PPARGC1A: variants seen among roughly 807,000 people sequenced by gnomAD.
The protein encoded by PPARGC1A is PPARG coactivator 1 alpha, also known as peroxisome proliferator-activated receptor gamma coactivator 1-alpha.
PPARGC1A carries 25 observed loss-of-function variants against 88.7 expected under a neutral mutation model. The ratio of observed to expected loss-of-function variants is 0.28; its 90% CI spans 0.21 to 0.39. The LOEUF is 0.39. Among genes scored for constraint, PPARGC1A ranks in the 10% least tolerant of loss-of-function variants. The probability of loss-of-function intolerance (pLI) is 1.00; values close to 1 mark genes in which losing one functional copy is unlikely to be tolerated. For missense variants in PPARGC1A, 880 were observed against 968.7 expected, an observed-to-expected ratio of 0.91 and a Z score of 1.22; for synonymous variants, 363 against 355.6, an observed-to-expected ratio of 1.02 and a Z score of -0.24.
chr4:23,828,343 T>C (rs1466854011), intron 5 of PPARGC1A, 57 bp downstream of exon 5: 33 of 1,521,026 alleles, frequency 2.2e-5, no homozygotes, highest in Non-Finnish European at 2.9e-5. Flanking sequence ...AGACTTTGCA[T>C]GTGCTTTCTT....
At chr4:24,363,302 A>T in the PPARGC1A span, among the ~76,000 whole-genome samples, 1 of 152,186 alleles carries the variant, frequency 6.6e-6, no homozygotes, top group Non-Finnish European at 1.5e-5. Context: ...TCTAACACTC[A>T]TGTTGGCTCA....
the PPARGC1A span, among the ~76,000 whole-genome samples, chr4:24,126,805 T>C: frequency 0.66 from 100,898 of 152,122 alleles, 33,792 homozygotes; most frequent in Non-Finnish European, 0.71. Context: ...GCTCTCTCTG[T>C]TCCAGTGAAT....
the PPARGC1A span, among the ~76,000 whole-genome samples, chr4:24,392,348 C>T: frequency 3.3e-5 from 5 of 152,302 alleles, no homozygotes; most frequent in Non-Finnish European, 7.4e-5. Flanking sequence ...ATGTTGATTG[C>T]ACCTCAGTGC....
At chr4:24,410,993 T>C in the PPARGC1A span, among the ~76,000 whole-genome samples, 1 of 152,214 alleles carries the variant, frequency 6.6e-6, no homozygotes, top group Non-Finnish European at 1.5e-5. Context: ...TTCTCCTTAA[T>C]AAACTCCCTC....
the PPARGC1A span, among the ~76,000 whole-genome samples, chr4:24,233,120 C>A: frequency 2.1e-5 from 1 of 48,220 alleles, no homozygotes; most frequent in East Asian, 0.019. Flanking sequence ...AAATGTGTCT[C>A]CAAAGTGTTT....
chr4:24,159,159 A>G, the PPARGC1A span, among the ~76,000 whole-genome samples: 2 of 151,332 alleles, frequency 1.3e-5, no homozygotes, highest in African/African-American at 4.9e-5. Context: ...GATAAATAAT[A>G]TCAGACCTAT....
the PPARGC1A span, among the ~76,000 whole-genome samples, chr4:24,067,527 A>G: frequency 6.6e-6 from 1 of 152,218 alleles, no homozygotes; most frequent in Admixed American, 6.5e-5. Flanking sequence ...GCTCAGAAAC[A>G]GAGCACAGAA....
At chr4:23,830,162 C>A (rs940123779) in intron 3 of PPARGC1A, among the ~76,000 whole-genome samples, 5 of 152,068 alleles carry the variant, frequency 3.3e-5, no homozygotes, top group African/African-American at 1.2e-4. Flanking sequence ...ATGCTTTGAA[C>A]CGTGTTTCAT....
chr4:23,820,044 T>C (rs958993929), intron 7 of PPARGC1A, among the ~76,000 whole-genome samples: 1 of 152,152 alleles, frequency 6.6e-6, no homozygotes, highest in African/African-American at 2.4e-5. Flanking sequence ...AACTTTTAAA[T>C]TGAGAGTCCA....
chr4:24,357,731 C>T, the PPARGC1A span, among the ~76,000 whole-genome samples: 1 of 152,188 alleles, frequency 6.6e-6, no homozygotes, highest in Non-Finnish European at 1.5e-5. Flanking sequence ...ATACCATTCT[C>T]ATAGTAGTGA....
the PPARGC1A span, among the ~76,000 whole-genome samples, chr4:24,151,470 G>A: frequency 2.0e-5 from 3 of 152,044 alleles, no homozygotes; most frequent in Non-Finnish European, 4.4e-5. Flanking sequence ...ACCTCCCAAA[G>A]GTCCACCTCC....
At chr4:24,240,093 T>C in the PPARGC1A span, among the ~76,000 whole-genome samples, 7 of 152,200 alleles carry the variant, frequency 4.6e-5, no homozygotes, top group African/African-American at 1.7e-4. Flanking sequence ...GTAGTACAAA[T>C]GCTGGTGACT....
At chr4:24,157,554 T>C in the PPARGC1A span, among the ~76,000 whole-genome samples, 4 of 152,220 alleles carry the variant, frequency 2.6e-5, no homozygotes, top group East Asian at 5.8e-4. Flanking sequence ...GGATGAGTAG[T>C]TGAACTTGAC....
chr4:24,177,900 G>T, the PPARGC1A span, among the ~76,000 whole-genome samples: 1 of 152,126 alleles, frequency 6.6e-6, no homozygotes, highest in Non-Finnish European at 1.5e-5. Context: ...TACTTATGTG[G>T]AATTATGCAG....
chr4:24,374,952 C>T, the PPARGC1A span, among the ~76,000 whole-genome samples: 13 of 150,226 alleles, frequency 8.7e-5, no homozygotes, highest in East Asian at 2.0e-4. Context: ...ATGTTTATAG[C>T]GGCATTATTA....
chr4:24,470,527 C>T, the PPARGC1A span, among the ~76,000 whole-genome samples: 25 of 152,218 alleles, frequency 1.6e-4, no homozygotes, highest in Non-Finnish European at 2.9e-4. This position sits in a 1 kb window ranked among gnomAD's most constrained non-coding sequence, Gnocchi z 5.8. Flanking sequence ...GGGCCCCGAT[C>T]GTGCTTCTCC....
the PPARGC1A span, among the ~76,000 whole-genome samples, chr4:24,340,471 A>G: frequency 6.6e-6 from 1 of 152,216 alleles, no homozygotes; most frequent in Non-Finnish European, 1.5e-5. Flanking sequence ...TAAGAACTGT[A>G]TAGTACTCTA....
chr4:24,041,814 T>C, the PPARGC1A span, among the ~76,000 whole-genome samples: 834 of 152,210 alleles, frequency 5.5e-3, 6 homozygotes, highest in African/African-American at 0.017. Flanking sequence ...CAGTTTTTAT[T>C]TTCAGGAGTG....
chr4:24,064,120 AGCACAGACTGCTGT>A, the PPARGC1A span, among the ~76,000 whole-genome samples: 3 of 152,144 alleles, frequency 2.0e-5, no homozygotes, highest in African/African-American at 7.2e-5. Context: ...TCTGAAGAGG[AGCACAGACTGCTGT>A]GCACAGGCCT....
Sources: gnomAD v4.1 joint callset for allele counts (sites outside exome capture counted in the v4.1 genomes callset) on GRCh38, gnomAD v4.1.1 for gene constraint, Gnocchi (gnomAD v3.1) non-coding constraint, MANE v1.5 for transcripts, NCBI Gene and HGNC (gene_info 2026-07-23, HGNC 2026-07-21) for gene names.